The following CPA6 variants were observed in gnomAD, a reference collection of about 807,000 sequenced individuals.
The protein encoded by CPA6 is carboxypeptidase B.
In CPA6, 58 loss-of-function variants were observed where a neutral mutation model predicts 63.3. The ratio of observed to expected loss-of-function variants is 0.92; its 90% CI spans 0.74 to 1.14. The LOEUF (loss-of-function observed/expected upper bound fraction) is 1.14. Among genes scored for constraint, CPA6 ranks in the 50% most tolerant of loss-of-function variants. CPA6 has a pLI of 0.00. For missense variants in CPA6, 565 were observed against 526.6 expected, an observed-to-expected ratio of 1.07 and a Z score of -0.71; for synonymous variants, 185 against 179.0, an observed-to-expected ratio of 1.03 and a Z score of -0.27.
chr8:67,579,343 T>C lies in CPA6; in HGVS notation c.192+44833A>G, dbSNP rs1288497883. On this transcript the variant is annotated intron_variant, in intron 2 of 10. Coordinates refer to ENST00000297770, the MANE Select transcript of CPA6 (RefSeq NM_020361.5). The stretch of plus-strand genomic sequence containing the variant: ...CAAGAGAATCACTTGAATCCAGGAG[T>C]TGGAGGTTGCAGTGAGCCGAGATTG... Among the ~76,000 whole-genome samples the C allele has an allele frequency of 2.6e-5, 4 of 152,162 alleles. No homozygotes were observed. In the East Asian group the frequency reaches 7.7e-4, roughly 29 times the overall value.
At chr8:67,710,119 A>AC (rs1439492911) in intron 1 of CPA6, among the ~76,000 whole-genome samples, 1 of 152,036 alleles carries the variant, frequency 6.6e-6, no homozygotes, top group Non-Finnish European at 1.5e-5. Flanking sequence ...TTTCAAAAAA[A>AC]AAAAAGATTT....
At chr8:67,446,344 T>A (rs73260532) in intron 8 of CPA6, among the ~76,000 whole-genome samples, 10,174 of 151,952 alleles carry the variant, frequency 0.067, 770 homozygotes, top group African/African-American at 0.19. Flanking sequence ...TAAATAGAGA[T>A]AGAGTCTCGA....
chr8:67,713,093 GTGTGTGTATATATATATATATATA>G (rs1817300376), intron 1 of CPA6, among the ~76,000 whole-genome samples: 1 of 87,990 alleles, frequency 1.1e-5, no homozygotes, highest in Non-Finnish European at 2.2e-5. Flanking sequence ...ATGTGTGTGT[GTGTGTGTATATATATATATATATA>G]TATATATATA....
At chr8:67,547,526 C>A (rs1245487829) in intron 2 of CPA6, among the ~76,000 whole-genome samples, 2 of 144,266 alleles carry the variant, frequency 1.4e-5, no homozygotes, top group Non-Finnish European at 3.0e-5. Flanking sequence ...TAGACAGGTT[C>A]TCACTCTGTC....
At chr8:67,683,431 T>C (rs1328640693) in intron 1 of CPA6, among the ~76,000 whole-genome samples, 3 of 152,184 alleles carry the variant, frequency 2.0e-5, no homozygotes, top group Non-Finnish European at 2.9e-5. Context: ...TTCTCTAATT[T>C]AGCCACAGTA....
intron 5 of CPA6, among the ~76,000 whole-genome samples, chr8:67,508,030 T>A: frequency 7.3e-6 from 1 of 137,098 alleles, no homozygotes; most frequent in East Asian, 2.0e-4. Context: ...TGTGTGTGTG[T>A]GTGTGTGTGT....
At chr8:67,612,787 A>G (rs1232999024) in intron 2 of CPA6, among the ~76,000 whole-genome samples, 2 of 152,226 alleles carry the variant, frequency 1.3e-5, no homozygotes, top group Non-Finnish European at 2.9e-5. Context: ...TTTAGGGCAC[A>G]AAGTATTGCC....
chr8:67,664,801 A>G (rs1014869799), intron 1 of CPA6, among the ~76,000 whole-genome samples: 2 of 152,190 alleles, frequency 1.3e-5, no homozygotes, highest in South Asian at 2.1e-4. Flanking sequence ...TGTCTCACCC[A>G]GGAATTAAGC....
intron 1 of CPA6, among the ~76,000 whole-genome samples, chr8:67,681,005 T>G (rs1325024051): frequency 6.6e-6 from 1 of 152,124 alleles, no homozygotes; most frequent in Non-Finnish European, 1.5e-5. Context: ...GATACAAGTC[T>G]TTTATCAAAT....
intron 10 of CPA6, among the ~76,000 whole-genome samples, chr8:67,425,024 A>T (rs1809853276): frequency 6.6e-6 from 1 of 152,214 alleles, no homozygotes; most frequent in South Asian, 2.1e-4. Context: ...CCTTTTTGAA[A>T]AAGAGACTGA....
chr8:67,439,635 G>A (rs1021237801), intron 8 of CPA6, among the ~76,000 whole-genome samples: 1 of 151,172 alleles, frequency 6.6e-6, no homozygotes, highest in East Asian at 2.0e-4. Flanking sequence ...AAGAAACACT[G>A]GAAAACAGAG....
intron 1 of CPA6, among the ~76,000 whole-genome samples, chr8:67,723,029 A>T (rs1817530914): frequency 6.6e-6 from 1 of 152,086 alleles, no homozygotes. Flanking sequence ...AAATAGAATC[A>T]TACATATTAC....
intron 8 of CPA6, among the ~76,000 whole-genome samples, chr8:67,481,275 C>A (rs957020592): frequency 1.3e-5 from 2 of 152,184 alleles, no homozygotes; most frequent in African/African-American, 4.8e-5. Flanking sequence ...AAGAAAAAAG[C>A]ACAGTGCTTC....
chr8:67,684,067 T>G (rs1816657382), intron 1 of CPA6, among the ~76,000 whole-genome samples: 1 of 146,974 alleles, frequency 6.8e-6, no homozygotes, highest in Admixed American at 6.8e-5. Context: ...TTTTTTTTTT[T>G]GTAGAGATGG....
At chr8:67,423,677 T>A (rs1809818222) in intron 10 of CPA6, among the ~76,000 whole-genome samples, 1 of 152,236 alleles carries the variant, frequency 6.6e-6, no homozygotes, top group African/African-American at 2.4e-5. Flanking sequence ...AGAGATACTA[T>A]AAAGTCACAC....
chr8:67,451,254 T>G (rs1401207879), intron 8 of CPA6, among the ~76,000 whole-genome samples: 1 of 152,208 alleles, frequency 6.6e-6, no homozygotes, highest in Non-Finnish European at 1.5e-5. Flanking sequence ...TCTGTATTTA[T>G]AGCTGCTTCC....
intron 6 of CPA6, among the ~76,000 whole-genome samples, chr8:67,498,274 A>G (rs1298660659): frequency 6.6e-6 from 1 of 152,024 alleles, no homozygotes; most frequent in Non-Finnish European, 1.5e-5. Flanking sequence ...GGTGGCTCAC[A>G]TCTGTAATCC....
At chr8:67,570,369 T>C (rs1813456722) in intron 2 of CPA6, among the ~76,000 whole-genome samples, 1 of 152,118 alleles carries the variant, frequency 6.6e-6, no homozygotes, top group Non-Finnish European at 1.5e-5. Context: ...GCTAAACATA[T>C]GAAAGCACAA....
chr8:67,497,696 CT>C (rs952967032), intron 6 of CPA6, among the ~76,000 whole-genome samples: 345 of 144,636 alleles, frequency 2.4e-3, no homozygotes, highest in Admixed American at 6.5e-3. Context: ...GTTTCCTCTA[CT>C]TTTTTTTTTT....
Sources: allele counts gnomAD v4.1 joint callset (sites outside exome capture counted in the v4.1 genomes callset), GRCh38; gene constraint gnomAD v4.1.1; transcripts MANE v1.5; gene names NCBI Gene and HGNC (gene_info 2026-07-23, HGNC 2026-07-21).